The following TMEM14A variants were observed in gnomAD, a reference collection of about 807,000 sequenced individuals.
The protein encoded by TMEM14A is transmembrane protein 14A.
A neutral mutation model predicts 11.6 loss-of-function variants in TMEM14A; 8 were observed. That is an observed-to-expected ratio of 0.69 (90% CI 0.40 to 1.24). The LOEUF is 1.24. TMEM14A is among the 50% of genes most tolerant of loss of function. The pLI is 0.01. For synonymous variants in TMEM14A, 34 were observed against 45.5 expected, an observed-to-expected ratio of 0.75 and a Z score of 1.02; for missense variants, 108 against 121.9, an observed-to-expected ratio of 0.89 and a Z score of 0.54.
intron 2 of TMEM14A, among the ~76,000 whole-genome samples, chr6:52,680,714 T>TATATATACACACACAC (rs1769374975): frequency 7.4e-6 from 1 of 134,980 alleles, no homozygotes; most frequent in Non-Finnish European, 1.6e-5. Flanking sequence ...TACACATATA[T>TATATATACACACACAC]ATATGGCATG....
chr6:52,683,169 G>T (rs1332965161), intron 3 of TMEM14A, among the ~76,000 whole-genome samples: 3 of 152,130 alleles, frequency 2.0e-5, no homozygotes, highest in Non-Finnish European at 4.4e-5. Flanking sequence ...GTTAGAAAAA[G>T]ACTTTCTTAG....
chr6:52,672,646 T>TA (rs747043236), intron 1 of TMEM14A, among the ~76,000 whole-genome samples: 9 of 152,182 alleles, frequency 5.9e-5, no homozygotes, highest in Non-Finnish European at 1.2e-4. Flanking sequence ...GCCAGATACC[T>TA]AGGGGTGAGT....
rs35094326 is a variant in TMEM14A at position 52,674,889 on chromosome 6, C to CTT, written c.-16-2178_-16-2177dup. 6.0e-3 allele frequency among the ~76,000 whole-genome samples: 833 copies of CTT among 139,376 alleles called. 4 individuals carry two copies. Among genetic ancestry groups the CTT allele is most frequent in the Non-Finnish European group, 8.2e-3 (534 of 65,088 alleles). 91.4% of individuals were successfully genotyped at this position (139,376 alleles called of 152,430 possible). On this transcript the variant is annotated intron_variant, in intron 1 of 4. Coordinates refer to ENST00000211314, the MANE Select transcript of TMEM14A (RefSeq NM_014051.4). ...CTGAGATCAGCTCAAAATTCTTCTTCTTTTTTTTTTTTTTTTTTTTTGAGA... is the reference window on the plus strand; with the variant it reads ...CTGAGATCAGCTCAAAATTCTTCTTCTTTTTTTTTTTTTTTTTTTTTTTGAGA...
At chr6:52,680,858 GGTGTGTGT>G (rs70977374) in intron 2 of TMEM14A, among the ~76,000 whole-genome samples, 1 of 145,370 alleles carries the variant, frequency 6.9e-6, no homozygotes, top group Non-Finnish European at 1.5e-5. Context: ...ATGCTGCTCT[GGTGTGTGT>G]GTGTGTGTTG....
chr6:52,678,513 G>C (rs1347947917), intron 2 of TMEM14A, among the ~76,000 whole-genome samples: 1 of 152,146 alleles, frequency 6.6e-6, no homozygotes, highest in Non-Finnish European at 1.5e-5. Flanking sequence ...CCTCCTGCAA[G>C]AGCCCCCTAC....
rs1179962109 is a variant in TMEM14A, at chr6:52,686,452, T to C, written c.*403T>C. The C allele has an allele frequency of 2.6e-6, 1 of 386,392 alleles. No individual in the cohort carries two copies. Among genetic ancestry groups the C allele is most frequent in the African/African-American group, 2.1e-5 (1 of 48,346 alleles). The allele number at this position is 386,392 out of a possible 1,614,324, so 23.9% of individuals were successfully genotyped here. A position where few individuals can be genotyped will look rare whatever the true frequency, so the allele number is the denominator to read the frequency against. On this transcript the variant is annotated 3_prime_UTR_variant, in exon 5 of 5. Transcript: ENST00000211314. ...GTCATTTGTGTTATATTTGAAATTA[T>C]TAGAAATTATGCTTTTTCCATTTTA...
chr6:52,673,916 T>C lies in TMEM14A; in HGVS notation c.-17+2671T>C, dbSNP rs1769208036. 2.0e-5 allele frequency among the ~76,000 whole-genome samples: 3 copies of C among 152,338 alleles called. No individual in the cohort carries two copies. The East Asian group carries it at 5.8e-4, about 29-fold the overall frequency. On this transcript the variant is annotated intron_variant, in intron 1 of 4. Coordinates refer to ENST00000211314, the MANE Select transcript of TMEM14A (RefSeq NM_014051.4). ...TGAAATAGTAATAGCCTTACACATG[T>C]CAAGCTTAAAATAGGTGTAAGGGTG... is the stretch of plus-strand genomic sequence containing the variant.
At chr6:52,679,346 C>T (rs1040120516) in intron 2 of TMEM14A, among the ~76,000 whole-genome samples, 1 of 152,126 alleles carries the variant, frequency 6.6e-6, no homozygotes, top group African/African-American at 2.4e-5. Context: ...GAAAGAGGGC[C>T]AGATGGCATT....
intron 2 of TMEM14A, among the ~76,000 whole-genome samples, chr6:52,680,704 T>TACACATATATATATAC (rs1769372874): frequency 5.9e-5 from 3 of 51,102 alleles, no homozygotes; most frequent in African/African-American, 1.7e-4. Context: ...TATATATATA[T>TACACATATATATATAC]ACACATATAT....
intron 2 of TMEM14A, among the ~76,000 whole-genome samples, chr6:52,677,577 C>T (rs577154947): frequency 6.6e-6 from 1 of 151,358 alleles, no homozygotes; most frequent in South Asian, 2.1e-4. Context: ...GTTATCATAT[C>T]CAAAGTTGTC....
intron 2 of TMEM14A, among the ~76,000 whole-genome samples, chr6:52,679,150 G>T (rs902708266): frequency 6.6e-6 from 1 of 152,194 alleles, no homozygotes; most frequent in Non-Finnish European, 1.5e-5. Flanking sequence ...GAAGCTGATA[G>T]ATTTTTATTT....
Position 52,676,032 on chromosome 6 carries a change from C to G in TMEM14A, c.-16-1055C>G, listed in dbSNP as rs147892211. Among the ~76,000 whole-genome samples the G allele has an allele frequency of 1.8e-4, 28 of 152,148 alleles. 1 individual carries two copies. The East Asian group carries it at 5.2e-3, about 28-fold the overall frequency. Reference sequence around the variant, plus strand: ...GGACAGGGAGGGAGGACATTTCAGGCATGGAAGTGAAAAGTGAAGATTGTA... The same window carrying G: ...GGACAGGGAGGGAGGACATTTCAGGGATGGAAGTGAAAAGTGAAGATTGTA... On this transcript the variant is annotated intron_variant, in intron 1 of 4. Transcript: ENST00000211314.
chr6:52,680,643 ATATATATGTGTGTG>A (rs1769355154), intron 2 of TMEM14A, among the ~76,000 whole-genome samples: 6 of 73,556 alleles, frequency 8.2e-5, no homozygotes, highest in African/African-American at 1.2e-4. Context: ...ATATGTGTGT[ATATATATGTGTGTG>A]TATATATATG....
intron 3 of TMEM14A, among the ~76,000 whole-genome samples, chr6:52,682,592 T>C (rs1769410824): frequency 1.1e-5 from 1 of 87,516 alleles, no homozygotes. Context: ...GTGAGAGATT[T>C]GGGGTTTTTT....
intron 3 of TMEM14A, among the ~76,000 whole-genome samples, chr6:52,682,385 C>A (rs760226829): frequency 2.2e-4 from 34 of 152,062 alleles, no homozygotes; most frequent in Non-Finnish European, 4.7e-4. Flanking sequence ...GGAGAATATC[C>A]ACAGAAAAAA....
chr6:52,674,253 C>T (rs1339257939), intron 1 of TMEM14A, among the ~76,000 whole-genome samples: 1 of 152,174 alleles, frequency 6.6e-6, no homozygotes, highest in Non-Finnish European at 1.5e-5. Context: ...AGATGGAACA[C>T]AGTGCCCTGT....
intron 2 of TMEM14A, among the ~76,000 whole-genome samples, chr6:52,678,256 ATTTT>A (rs978494132): frequency 1.3e-5 from 2 of 151,892 alleles, no homozygotes; most frequent in Admixed American, 6.6e-5. Flanking sequence ...ACATCTGGGC[ATTTT>A]TGCCTGCCTT....
intron 4 of TMEM14A, among the ~76,000 whole-genome samples, chr6:52,684,526 A>T (rs781282145): frequency 7.2e-5 from 11 of 152,248 alleles, no homozygotes; most frequent in Non-Finnish European, 1.3e-4. Context: ...TGACAGAGTG[A>T]CAGTGTGATA....
chr6:52,676,799 G>C (rs923735076), intron 1 of TMEM14A, among the ~76,000 whole-genome samples: 1 of 152,116 alleles, frequency 6.6e-6, no homozygotes, highest in African/African-American at 2.4e-5. Flanking sequence ...GCGACAGGAG[G>C]GGGAGAGCAC....
Sources: gnomAD v4.1 joint callset for allele counts (sites outside exome capture counted in the v4.1 genomes callset) on GRCh38, gnomAD v4.1.1 for gene constraint, MANE v1.5 for transcripts, NCBI Gene and HGNC (gene_info 2026-07-23, HGNC 2026-07-21) for gene names.